Variants in ORC4 observed in about 807,000 individuals in gnomAD.
ORC4 encodes origin recognition complex, subunit 4 homolog.
Under a neutral mutation model 63.9 loss-of-function variants are expected in ORC4, and 55 were observed. The observed-to-expected ratio is 0.86, with a 90% CI of 0.69 to 1.08. The LOEUF (loss-of-function observed/expected upper bound fraction) is 1.08. Among genes scored for constraint, ORC4 ranks in the 50% least tolerant of loss-of-function variants. ORC4 has a pLI of 0.00. For missense variants in ORC4, 511 were observed against 504.4 expected, an observed-to-expected ratio of 1.01 and a Z score of -0.13; for synonymous variants, 150 against 168.5, an observed-to-expected ratio of 0.89 and a Z score of 0.85.
intron 4 of ORC4, among the ~76,000 whole-genome samples, chr2:147,964,091 A>G (rs1478433340): frequency 6.6e-6 from 1 of 152,236 alleles, no homozygotes; most frequent in Non-Finnish European, 1.5e-5. Flanking sequence ...AAGGAAAACA[A>G]TAATTCCTCT....
chr2:147,965,607 T>C (rs1358192651), intron 4 of ORC4, among the ~76,000 whole-genome samples: 1 of 152,088 alleles, frequency 6.6e-6, no homozygotes, highest in Non-Finnish European at 1.5e-5. Context: ...GAGAGATAAA[T>C]TGCAATAAAA....
In ORC4 at chr2:147,958,823, A is replaced by T. The variant is rs1250253619; in HGVS notation, c.269T>A (p.Val90Glu). 2.0e-6 allele frequency: 3 copies of T among 1,464,250 alleles called. No homozygotes were observed. The highest frequency in any genetic ancestry group is 2.9e-6 in the Non-Finnish European group (3 of 1,045,082). The allele number at this position is 1,464,250 out of a possible 1,614,324, so 90.7% of individuals were successfully genotyped here. A position where few individuals can be genotyped will look rare whatever the true frequency, so the allele number is the denominator to read the frequency against. Reference sequence around the variant, plus strand: ...GTGAACTTGTAATACATTTTCACTCACTTCTTCTATTTCCATGAGTTCTTT... The same window carrying T: ...GTGAACTTGTAATACATTTTCACTCTCTTCTTCTATTTCCATGAGTTCTTT... ...ALKELMEIEE[V>E]SENVLQVHLN... is the part of the protein sequence containing the mutation. Residue 90 changes from valine (V) to glutamate (E), a missense_variant, in exon 5 of 14, where the codon GTG becomes GAG. Transcript: ENST00000392857.
chr2:147,995,153 A>C, intron 1 of ORC4, among the ~76,000 whole-genome samples: 1 of 151,642 alleles, frequency 6.6e-6, no homozygotes, highest in African/African-American at 2.4e-5. Context: ...GTAAAAATGC[A>C]CCACTCAGCA....
At chr2:147,961,475 A>G (rs1689587951) in intron 4 of ORC4, among the ~76,000 whole-genome samples, 1 of 151,910 alleles carries the variant, frequency 6.6e-6, no homozygotes, top group Admixed American at 6.6e-5. Flanking sequence ...AAAAAATTAT[A>G]CTATCGAGAG....
chr2:148,007,505 G>A (rs1470595841), intron 1 of ORC4, among the ~76,000 whole-genome samples: 1 of 152,074 alleles, frequency 6.6e-6, no homozygotes, highest in Non-Finnish European at 1.5e-5. Context: ...TTGAAGACAG[G>A]TTTATGAAAA....
chr2:147,980,426 G>A (rs1573835644), intron 1 of ORC4, among the ~76,000 whole-genome samples: 1 of 152,002 alleles, frequency 6.6e-6, no homozygotes, highest in East Asian at 1.9e-4. Flanking sequence ...GGTATCTCAG[G>A]GGAGTCCTGG....
chr2:148,014,040 ATGGTAAAAAAATCAAAGCACAAG>A (rs1693124501), intron 1 of ORC4, among the ~76,000 whole-genome samples: 1 of 152,132 alleles, frequency 6.6e-6, no homozygotes, highest in African/African-American at 2.4e-5. Flanking sequence ...GTGCCGGTCT[ATGGTAAAAAAATCAAAGCACAAG>A]GCCAGGTGTG....
chr2:148,014,553 A>G (rs534852564), intron 1 of ORC4, among the ~76,000 whole-genome samples: 2 of 152,356 alleles, frequency 1.3e-5, no homozygotes, highest in South Asian at 4.1e-4. Context: ...AAGCTAGCAG[A>G]CACAGACTTA....
At chr2:148,008,678 T>C (rs1419590504) in intron 1 of ORC4, among the ~76,000 whole-genome samples, 1 of 152,158 alleles carries the variant, frequency 6.6e-6, no homozygotes, top group Non-Finnish European at 1.5e-5. Flanking sequence ...ATTCACCCTG[T>C]CATTCTCTTT....
chr2:148,008,180 G>A (rs1362621750), intron 1 of ORC4, among the ~76,000 whole-genome samples: 1 of 152,088 alleles, frequency 6.6e-6, no homozygotes, highest in African/African-American at 2.4e-5. Flanking sequence ...GAAAGAAAAG[G>A]ACATTAACAA....
At chr2:147,991,871 TAA>T (rs1309995187) in intron 1 of ORC4, among the ~76,000 whole-genome samples, 1 of 152,160 alleles carries the variant, frequency 6.6e-6, no homozygotes, top group African/African-American at 2.4e-5. Flanking sequence ...TTTTGATTAT[TAA>T]CCATGGAATA....
chr2:148,016,752 A>G (rs145401028), intron 1 of ORC4, among the ~76,000 whole-genome samples: 520 of 152,334 alleles, frequency 3.4e-3, no homozygotes, highest in East Asian at 8.3e-3. Context: ...GTAATGACCT[A>G]TTTTAATTAA....
intron 1 of ORC4, among the ~76,000 whole-genome samples, chr2:147,986,460 A>G (rs1337699713): frequency 6.6e-6 from 1 of 152,194 alleles, no homozygotes; most frequent in South Asian, 2.1e-4. Flanking sequence ...CTGTAATTCA[A>G]TTATTAAATT....
intron 1 of ORC4, among the ~76,000 whole-genome samples, chr2:148,003,571 T>A (rs1692445719): frequency 6.6e-6 from 1 of 152,184 alleles, no homozygotes; most frequent in African/African-American, 2.4e-5. Flanking sequence ...CCCTTCATGC[T>A]AAAAACTCTC....
chr2:148,018,769 T>C (rs973567044), intron 1 of ORC4, among the ~76,000 whole-genome samples: 6 of 152,040 alleles, frequency 3.9e-5, no homozygotes, highest in Non-Finnish European at 5.9e-5. Flanking sequence ...GGTTAAGAAA[T>C]ACTAAGAAAG....
At chr2:147,950,774 A>AAAAAAAG (rs1558836584) in intron 8 of ORC4, among the ~76,000 whole-genome samples, 1 of 151,470 alleles carries the variant, frequency 6.6e-6, no homozygotes, top group East Asian at 1.9e-4. Context: ...CAAAAAAAAA[A>AAAAAAAG]AAAAAGAAAA....
chr2:147,995,829 C>A (rs943823621), intron 1 of ORC4, among the ~76,000 whole-genome samples: 3 of 152,102 alleles, frequency 2.0e-5, no homozygotes, highest in Non-Finnish European at 4.4e-5. Flanking sequence ...CGAGGGTCTG[C>A]GGCTTCATTC....
chr2:147,973,638 C>A (rs767790377), intron 2 of ORC4, 114 bp from the exon 3 acceptor site: 7 of 644,794 alleles, frequency 1.1e-5, no homozygotes, highest in Non-Finnish European at 8.1e-6. Flanking sequence ...TCAATTCAAC[C>A]CTCCCTAAAT....
intron 7 of ORC4, 22 bp downstream of exon 7, chr2:147,955,325 G>T (rs199847853): frequency 6.5e-7 from 1 of 1,535,810 alleles, no homozygotes; most frequent in Admixed American, 1.7e-5. Flanking sequence ...CTTCTGAAAC[G>T]GCTGAATATG....
Sources: allele counts gnomAD v4.1 joint callset (sites outside exome capture counted in the v4.1 genomes callset), GRCh38; gene constraint gnomAD v4.1.1; transcripts MANE v1.5; gene names NCBI Gene and HGNC (gene_info 2026-07-23, HGNC 2026-07-21).